Variants in CYYR1 observed in about 807,000 individuals in gnomAD.
The protein encoded by CYYR1 is cysteine and tyrosine-rich protein 1.
Under a neutral mutation model 15.2 loss-of-function variants are expected in CYYR1, and 14 were observed. The ratio of observed to expected loss-of-function variants is 0.92; its 90% CI spans 0.61 to 1.44. The LOEUF (loss-of-function observed/expected upper bound fraction) is 1.44, where lower values mean the gene tolerates loss of function less well. CYYR1 is among the 40% of genes most tolerant of loss of function. The pLI is 0.00. For missense variants in CYYR1, 228 were observed against 209.5 expected, an observed-to-expected ratio of 1.09 and a Z score of -0.54; for synonymous variants, 80 against 77.4, an observed-to-expected ratio of 1.03 and a Z score of -0.18.
chr21:26,477,558 T>G (rs1419593211), intron 3 of CYYR1: 1 of 326,580 alleles, frequency 3.1e-6, no homozygotes, highest in East Asian at 1.7e-4. Context: ...AGAAAACATG[T>G]GACCTTACAT....
intron 2 of CYYR1, among the ~76,000 whole-genome samples, chr21:26,561,354 C>A (rs909249922): frequency 6.7e-6 from 1 of 149,914 alleles, no homozygotes; most frequent in African/African-American, 2.5e-5. Flanking sequence ...TTTTTAAATG[C>A]GTTACGTTTG....
intron 2 of CYYR1, chr21:26,482,292 ATTT>A (rs1351347807): frequency 8.2e-6 from 8 of 977,916 alleles, no homozygotes; most frequent in Non-Finnish European, 9.7e-6. Context: ...ATTTCCATGA[ATTT>A]TTATTTTTCC....
chr21:26,501,282 A>T (rs1172687562), intron 2 of CYYR1, among the ~76,000 whole-genome samples: 1 of 152,222 alleles, frequency 6.6e-6, no homozygotes, highest in East Asian at 1.9e-4. Flanking sequence ...GGTTGCAGTG[A>T]GCCGAGATTG....
At chr21:26,531,642 C>T (rs1017480546) in intron 2 of CYYR1, among the ~76,000 whole-genome samples, 1 of 152,210 alleles carries the variant, frequency 6.6e-6, no homozygotes, top group African/African-American at 2.4e-5. Context: ...ACTAACTCTT[C>T]CTGTACAGCC....
Position 26,517,119 on chromosome 21 carries a change from A to C in CYYR1, c.177-36690T>G, listed in dbSNP as rs2065741052. 7.0e-5 allele frequency among the ~76,000 whole-genome samples: 6 copies of C among 85,872 alleles called. No individual in the cohort carries two copies. The South Asian group carries it at 2.1e-3, about 31-fold the overall frequency. The allele number at this position is 85,872 out of a possible 152,430, so 56.3% of individuals were successfully genotyped here. On this transcript the variant is annotated intron_variant, in intron 2 of 3. Coordinates refer to ENST00000652641, the MANE Select transcript of CYYR1 (RefSeq NM_001320768.2). ...GACAGAGCGAGACTCCGTCTCAAAA[A>C]AAAAAAAAAAAAAAAAAAAAAAAAA...
chr21:26,564,479 T>TAGATACATGTATC (rs1980467436), intron 2 of CYYR1, among the ~76,000 whole-genome samples: 1 of 152,210 alleles, frequency 6.6e-6, no homozygotes, highest in Non-Finnish European at 1.5e-5. Flanking sequence ...CCTAATAACC[T>TAGATACATGTATC]AGATACATGT....
chr21:26,542,414 C>A (rs535931675), intron 2 of CYYR1, among the ~76,000 whole-genome samples: 88 of 151,680 alleles, frequency 5.8e-4, no homozygotes, highest in African/African-American at 2.0e-3. Flanking sequence ...CCTAAACATG[C>A]GATCATTTCA....
intron 3 of CYYR1, chr21:26,471,172 A>G (rs925897382): frequency 5.9e-5 from 9 of 152,122 alleles, no homozygotes; most frequent in African/African-American, 2.2e-4. Context: ...TTTATAACAA[A>G]CTTCATCCAA....
intron 2 of CYYR1, among the ~76,000 whole-genome samples, chr21:26,531,189 G>A (rs966318963): frequency 6.6e-6 from 1 of 152,096 alleles, no homozygotes; most frequent in East Asian, 1.9e-4. Context: ...ACACCTCGTC[G>A]GATTGGTTTC....
intron 2 of CYYR1, among the ~76,000 whole-genome samples, chr21:26,521,136 T>C (rs2065799555): frequency 6.6e-6 from 1 of 152,178 alleles, no homozygotes; most frequent in South Asian, 2.1e-4. Context: ...ATGGTACATG[T>C]TTACCTGTTT....
chr21:26,571,638 TAA>T (rs1206983051), intron 1 of CYYR1, among the ~76,000 whole-genome samples: 4 of 152,244 alleles, frequency 2.6e-5, no homozygotes, highest in Non-Finnish European at 4.4e-5. Flanking sequence ...AAAGAACTAA[TAA>T]AGAGATTTTT....
chr21:26,499,265 T>C (rs2065448370), intron 2 of CYYR1, among the ~76,000 whole-genome samples: 1 of 152,138 alleles, frequency 6.6e-6, no homozygotes, highest in African/African-American at 2.4e-5. Context: ...ATGAGTATTT[T>C]TATAAGGGAC....
intron 2 of CYYR1, among the ~76,000 whole-genome samples, chr21:26,524,675 A>T (rs146192345): frequency 6.8e-4 from 104 of 152,348 alleles, no homozygotes; most frequent in African/African-American, 2.4e-3. Flanking sequence ...TTTTTAAAAA[A>T]TTTTGTTAAT....
chr21:26,519,026 G>A (rs2065769850), intron 2 of CYYR1, among the ~76,000 whole-genome samples: 1 of 152,150 alleles, frequency 6.6e-6, no homozygotes, highest in Non-Finnish European at 1.5e-5. Flanking sequence ...GGTGGTTTTT[G>A]GAAGATAGTT....
intron 2 of CYYR1, among the ~76,000 whole-genome samples, chr21:26,483,888 TC>T (rs1395659511): frequency 6.6e-6 from 1 of 152,062 alleles, no homozygotes; most frequent in Non-Finnish European, 1.5e-5. Flanking sequence ...AGTTTGGTGC[TC>T]ATTTGACTCT....
At chr21:26,471,873 T>C (rs1308428988) in intron 3 of CYYR1, among the ~76,000 whole-genome samples, 1 of 152,180 alleles carries the variant, frequency 6.6e-6, no homozygotes, top group Non-Finnish European at 1.5e-5. Flanking sequence ...AGGCCATTTA[T>C]CCTCAACATC....
At chr21:26,476,616 C>CTATCTATCTATCTATCTATCTATT (rs1569138586) in intron 3 of CYYR1, among the ~76,000 whole-genome samples, 3 of 151,952 alleles carry the variant, frequency 2.0e-5, no homozygotes, top group African/African-American at 7.2e-5. Context: ...ATCTATCTAT[C>CTATCTATCTATCTATCTATCTATT]TATCTATCTA....
At chr21:26,535,639 G>A (rs1168426750) in intron 2 of CYYR1, among the ~76,000 whole-genome samples, 1 of 152,122 alleles carries the variant, frequency 6.6e-6, no homozygotes, top group Non-Finnish European at 1.5e-5. Flanking sequence ...CTAAAAACTA[G>A]GGGCTCTCTC....
At position 26,531,629 on chromosome 21, in the gene CYYR1, G is replaced by A. The variant is rs191024096; in HGVS notation, c.176+34637C>T. On this transcript the variant is annotated intron_variant, in intron 2 of 3. Coordinates refer to ENST00000652641, the MANE Select transcript of CYYR1 (RefSeq NM_001320768.2). Reference sequence around the variant, plus strand: ...AGTTTCCTGAGGCCTCCCCAGCTGTGGAACTAACTCTTCCTGTACAGCCTG... The same window carrying A: ...AGTTTCCTGAGGCCTCCCCAGCTGTAGAACTAACTCTTCCTGTACAGCCTG... Among the ~76,000 whole-genome samples the A allele has an allele frequency of 2.0e-5, 3 of 152,114 alleles. No homozygotes were observed. In the East Asian group the frequency reaches 5.8e-4, roughly 29 times the overall value.
Sources: allele counts gnomAD v4.1 joint callset (sites outside exome capture counted in the v4.1 genomes callset), GRCh38; gene constraint gnomAD v4.1.1; transcripts MANE v1.5; gene names NCBI Gene and HGNC (gene_info 2026-07-23, HGNC 2026-07-21).